Variants in TSPAN33 observed in about 807,000 individuals in gnomAD.
TSPAN33 encodes the protein tetraspanin-33.
A neutral mutation model predicts 34.8 loss-of-function variants in TSPAN33; 27 were observed. The ratio of observed to expected loss-of-function variants is 0.78; its 90% CI spans 0.57 to 1.07. The LOEUF (loss-of-function observed/expected upper bound fraction) is 1.07. Among genes scored for constraint, TSPAN33 ranks in the 50% least tolerant of loss-of-function variants. The pLI is 0.00. For synonymous variants in TSPAN33, 119 were observed against 124.2 expected (o/e 0.96, Z 0.28); for missense variants, 272 against 324.9 (o/e 0.84, Z 1.25).
intron 1 of TSPAN33, among the ~76,000 whole-genome samples, chr7:129,146,368 C>T (rs1175231261): frequency 6.6e-6 from 1 of 152,172 alleles, no homozygotes; most frequent in Non-Finnish European, 1.5e-5. Flanking sequence ...ATCAAATGCT[C>T]AGTTGTAAAA....
At position 129,162,364 on chromosome 7, in the gene TSPAN33, G is replaced by A. The variant is rs567610715; in HGVS notation, c.161-30G>A. ...CCAGGGGTTCCTCAGTGGGCACCAG[G>A]CTCAGGCTGAGGGCCGGCTCCTTTT... On this transcript the variant is annotated intron_variant, in intron 2 of 7. Transcript: ENST00000486685. 2.5e-6 allele frequency: 4 copies of A among 1,607,768 alleles called. No individual in the cohort carries two copies. The Admixed American group carries it at 6.7e-5, about 27-fold the overall frequency.
intron 1 of TSPAN33, among the ~76,000 whole-genome samples, chr7:129,158,036 C>T (rs913665137): frequency 3.9e-5 from 6 of 152,206 alleles, no homozygotes; most frequent in Admixed American, 2.6e-4. Flanking sequence ...AGGAAGAGCT[C>T]GCCTCCTTGC....
chr7:129,167,961 A>C lies in TSPAN33; in HGVS notation c.*87A>C, dbSNP rs1793170128. 3 of 1,528,840 alleles carry C rather than the reference A, an allele frequency of 2.0e-6. No individual in the cohort carries two copies. Among genetic ancestry groups the C allele is most frequent in the Non-Finnish European group, 2.6e-6 (3 of 1,140,136 alleles). 94.7% of individuals were successfully genotyped at this position (1,528,840 alleles called of 1,614,324 possible). On this transcript the variant is annotated 3_prime_UTR_variant, in exon 8 of 8. Transcript: ENST00000486685. This position sits in a 1 kb window ranked among gnomAD's most constrained non-coding sequence, Gnocchi z 4.6. Reference sequence around the variant, plus strand: ...GTGCTGAAAGCAGCACCAAATGGAGATTTGGATTCCAGCCCCCCAGTGACA... The same window carrying C: ...GTGCTGAAAGCAGCACCAAATGGAGCTTTGGATTCCAGCCCCCCAGTGACA...
Position 129,166,800 on chromosome 7 carries a change from C to T in TSPAN33, c.482C>T (p.Ser161Phe), listed in dbSNP as rs780519846. 8 of 1,614,072 alleles carry T rather than the reference C, an allele frequency of 5.0e-6. No homozygotes were observed. The highest frequency in any genetic ancestry group is 3.3e-5 in the South Asian group (3 of 91,068). The change falls in exon 6 of 8, where the codon TCC becomes TTC. Residue 161 changes from serine to phenylalanine, a missense_variant. Physicochemically the swap from Ser to Phe is radical, Grantham distance 155 (BLOSUM62 -2). Coordinates refer to ENST00000486685, the MANE Select transcript of TSPAN33 (RefSeq NM_178562.5). Reference protein sequence around the residue: ...QKKFSCCGGISYKDWSQNMYF... With the variant: ...QKKFSCCGGIFYKDWSQNMYF... ...CAGTTTAGCTGCTGTGGAGGGATTT[C>T]CTACAAGGACTGGTCTCAGAACATG...
Position 129,168,096 on chromosome 7 carries a change from C to A in TSPAN33, c.*222C>A. The A allele has an allele frequency of 1.2e-6, 1 of 862,176 alleles. No individual in the cohort carries two copies. The allele number at this position is 862,176 out of a possible 1,614,324, so 53.4% of individuals were successfully genotyped here. A position where few individuals can be genotyped will look rare whatever the true frequency, so the allele number is the denominator to read the frequency against. Reference sequence around the variant, plus strand: ...CCCCATCCCAGCCCTCAGCATTGTGCCAGAGTGATACCCTTAAGTGTTTGG... The same window carrying A: ...CCCCATCCCAGCCCTCAGCATTGTGACAGAGTGATACCCTTAAGTGTTTGG... On this transcript the variant is annotated 3_prime_UTR_variant, in exon 8 of 8. Coordinates refer to ENST00000486685, the MANE Select transcript of TSPAN33 (RefSeq NM_178562.5).
chr7:129,150,256 A>G (rs1382053999), intron 1 of TSPAN33, among the ~76,000 whole-genome samples: 1 of 152,142 alleles, frequency 6.6e-6, no homozygotes, highest in Non-Finnish European at 1.5e-5. Context: ...TGGTGGCCCC[A>G]CTGTGGCAAC....
chr7:129,162,347 TC>T lies in TSPAN33; in HGVS notation c.161-45del, dbSNP rs113176747. 23 of 1,603,924 alleles carry T rather than the reference TC, an allele frequency of 1.4e-5. No individual in the cohort carries two copies. In the African/African-American group the frequency reaches 1.9e-4, roughly 13 times the overall value. On this transcript the variant is annotated intron_variant, in intron 2 of 7. Coordinates refer to ENST00000486685, the MANE Select transcript of TSPAN33 (RefSeq NM_178562.5). ...GCACCCTCCCACCCCATCCAGGGGT[TC>T]CTCAGTGGGCACCAGGCTCAGGCTG... is the stretch of plus-strand genomic sequence containing the variant.
At chr7:129,146,313 G>A (rs557286205) in intron 1 of TSPAN33, among the ~76,000 whole-genome samples, 13 of 152,226 alleles carry the variant, frequency 8.5e-5, no homozygotes, top group South Asian at 4.1e-4. Context: ...TGATGACAGC[G>A]CACTCAGCCA....
intron 1 of TSPAN33, among the ~76,000 whole-genome samples, chr7:129,156,707 G>A (rs905070506): frequency 1.3e-5 from 2 of 152,058 alleles, no homozygotes; most frequent in African/African-American, 4.8e-5. Context: ...TACTGATGTG[G>A]GGAATTCATT....
chr7:129,161,138 G>A (rs527252552), intron 1 of TSPAN33, among the ~76,000 whole-genome samples: 1 of 152,334 alleles, frequency 6.6e-6, no homozygotes, highest in Non-Finnish European at 1.5e-5. Flanking sequence ...CCATGGCACA[G>A]TCATGGCTCA....
At chr7:129,156,539 C>G (rs1462912974) in intron 1 of TSPAN33, among the ~76,000 whole-genome samples, 1 of 152,170 alleles carries the variant, frequency 6.6e-6, no homozygotes, top group Non-Finnish European at 1.5e-5. Context: ...CATTAAGTCA[C>G]TTATTTATAT....
intron 4 of TSPAN33, among the ~76,000 whole-genome samples, chr7:129,163,682 T>C (rs13225907): frequency 0.99 from 151,121 of 152,294 alleles, 74,991 homozygotes; most frequent in Middle Eastern, 1. Context: ...ATTATGAAAT[T>C]GGGCCAGGCG....
chr7:129,151,733 G>A (rs768894795), intron 1 of TSPAN33, among the ~76,000 whole-genome samples: 8 of 151,972 alleles, frequency 5.3e-5, no homozygotes, highest in Admixed American at 2.0e-4. Context: ...CTGCTTATCT[G>A]CCTGCAAGTG....
rs1793157481 is a variant in TSPAN33 at position 129,167,325 on chromosome 7, G to T, written c.589-74G>T. The T allele has an allele frequency of 6.6e-7, 1 of 1,511,214 alleles. No homozygotes were observed. The highest frequency in any genetic ancestry group is 1.4e-5 in the African/African-American group (1 of 72,576). The allele number at this position is 1,511,214 out of a possible 1,614,324, so 93.6% of individuals were successfully genotyped here. Reference sequence around the variant, plus strand: ...TTTAGGAGTTTGGGAAGGGTGGGAAGCCCATCAGCTAAGGCCCCAAACAAA... The same window carrying T: ...TTTAGGAGTTTGGGAAGGGTGGGAATCCCATCAGCTAAGGCCCCAAACAAA... On this transcript the variant is annotated intron_variant, in intron 6 of 7. Coordinates refer to ENST00000486685, the MANE Select transcript of TSPAN33 (RefSeq NM_178562.5). This position sits in a 1 kb window ranked among gnomAD's most constrained non-coding sequence, Gnocchi z 4.6.
Position 129,165,803 on chromosome 7 carries a change from A to C in TSPAN33, c.460-975A>C, listed in dbSNP as rs1428093043. ...CGCACACCTGTAGTCCCAGCTACTC[A>C]GGAGGCTGAGGTGCGAGAATAGCTT... is the stretch of plus-strand genomic sequence containing the variant. On this transcript the variant is annotated intron_variant, in intron 5 of 7. Transcript: ENST00000486685. This position sits in a 1 kb window ranked among gnomAD's most constrained non-coding sequence, Gnocchi z 4.5. 6.6e-6 allele frequency among the ~76,000 whole-genome samples: 1 copy of C among 152,136 alleles called. No homozygotes were observed. The highest frequency in any genetic ancestry group is 1.5e-5 in the Non-Finnish European group (1 of 68,018).
intron 1 of TSPAN33, among the ~76,000 whole-genome samples, chr7:129,146,715 C>T (rs562658792): frequency 3.3e-5 from 5 of 152,324 alleles, no homozygotes; most frequent in East Asian, 1.9e-4. Flanking sequence ...AAGAGACTCC[C>T]CACTTAGGGG....
Position 129,167,945 on chromosome 7 carries a change from G to A in TSPAN33, c.*71G>A, listed in dbSNP as rs3173902. On this transcript the variant is annotated 3_prime_UTR_variant, in exon 8 of 8. Transcript: ENST00000486685. The surrounding 1 kb of genome is among the most constrained non-coding windows in gnomAD (Gnocchi z 4.6). Reference sequence around the variant, plus strand: ...AAACGAACAGCAGTGGGTGCTGAAAGCAGCACCAAATGGAGATTTGGATTC... The same window carrying A: ...AAACGAACAGCAGTGGGTGCTGAAAACAGCACCAAATGGAGATTTGGATTC... 0.2 allele frequency: 314,318 copies of A among 1,563,860 alleles called. 32,036 individuals carry two copies. The highest frequency in any genetic ancestry group is 0.26 in the Admixed American group (13,626 of 52,482).
chr7:129,168,240 G>T lies in TSPAN33; in HGVS notation c.*366G>T, dbSNP rs550175875. The T allele has an allele frequency of 2.3e-4, 52 of 222,940 alleles. No homozygotes were observed. The highest frequency in any genetic ancestry group is 3.8e-4 in the Non-Finnish European group (42 of 109,988). 13.8% of individuals were successfully genotyped at this position (222,940 alleles called of 1,614,324 possible). The stretch of plus-strand genomic sequence containing the variant: ...CTCTAGCAGGGATGCTCCTGAGCTT[G>T]GCGGACATACTTAGATCCTAACGTG... On this transcript the variant is annotated 3_prime_UTR_variant, in exon 8 of 8. Coordinates refer to ENST00000486685, the MANE Select transcript of TSPAN33 (RefSeq NM_178562.5).
chr7:129,162,987 T>A, intron 4 of TSPAN33, 80 bp downstream of exon 4: 2 of 1,373,056 alleles, frequency 1.5e-6, no homozygotes, highest in Non-Finnish European at 1.0e-6. Flanking sequence ...TTAGCCTGGT[T>A]AATTAACCAC....
Sources: gnomAD v4.1 joint callset for allele counts (sites outside exome capture counted in the v4.1 genomes callset) on GRCh38, gnomAD v4.1.1 for gene constraint, Gnocchi (gnomAD v3.1) non-coding constraint, MANE v1.5 for transcripts, NCBI Gene and HGNC (gene_info 2026-07-23, HGNC 2026-07-21) for gene names.